IKBKE: variants seen among roughly 807,000 people sequenced by gnomAD.
IKBKE encodes the protein inhibitor of nuclear factor kappa B kinase subunit epsilon.
A neutral mutation model predicts 92.1 loss-of-function variants in IKBKE; 45 were observed. The ratio of observed to expected loss-of-function variants is 0.49; its 90% CI spans 0.38 to 0.63. The LOEUF (loss-of-function observed/expected upper bound fraction) is 0.63, where lower values mean the gene tolerates loss of function less well. IKBKE is among the 20% of genes least tolerant of loss of function. The probability of loss-of-function intolerance (pLI) is 0.00; values close to 1 mark genes in which losing one functional copy is unlikely to be tolerated. For missense variants in IKBKE, 700 were observed against 932.8 expected (o/e 0.75, Z 3.25); for synonymous variants, 374 against 380.3 (o/e 0.98, Z 0.19).
At chr1:206,494,489 A>G (rs1666116657) in intron 21 of IKBKE, among the ~76,000 whole-genome samples, 2 of 144,182 alleles carry the variant, frequency 1.4e-5, no homozygotes, top group African/African-American at 2.6e-5. Context: ...TCCTGATTTG[A>G]CTCCCCTCCT....
chr1:206,477,642 G>A (rs1214407375), intron 7 of IKBKE, 107 bp from the exon 8 acceptor site: 6 of 661,756 alleles, frequency 9.1e-6, no homozygotes, highest in Non-Finnish European at 1.6e-5. Flanking sequence ...CTACTTTGGG[G>A]TAGCTGGGTG....
chr1:206,491,838 G>A lies in IKBKE; in HGVS notation c.1835+89G>A, dbSNP rs1553390510. 3.3e-6 allele frequency: 3 copies of A among 908,890 alleles called. No individual in the cohort carries two copies. The African/African-American group carries it at 5.0e-5, about 15-fold the overall frequency. The allele number at this position is 908,890 out of a possible 1,614,324, so 56.3% of individuals were successfully genotyped here. ...ACCCAGGGCTTTGTGGAGCCCTGAGGCAGAGGGAGGAGTGAGTGAAGGGGT... is the reference window on the plus strand; with the variant it reads ...ACCCAGGGCTTTGTGGAGCCCTGAGACAGAGGGAGGAGTGAGTGAAGGGGT... On this transcript the variant is annotated intron_variant, in intron 18 of 21. Transcript: ENST00000581977.
chr1:206,486,708 G>T (rs1387692574), intron 15 of IKBKE, among the ~76,000 whole-genome samples: 1 of 151,540 alleles, frequency 6.6e-6, no homozygotes, highest in Non-Finnish European at 1.5e-5. Context: ...CTGTCCTTTT[G>T]GATGAAGGCT....
chr1:206,496,078 G>C, intron 21 of IKBKE, 34 bp from the exon 22 acceptor site: 1 of 1,600,404 alleles, frequency 6.2e-7, no homozygotes. Flanking sequence ...CTCTCCAACA[G>C]GTGGGCACTG....
At position 206,496,579 on chromosome 1, in the gene IKBKE, G is replaced by A. The variant is rs1270376343; in HGVS notation, c.*434G>A. 4.0e-6 allele frequency: 1 copy of A among 248,698 alleles called. No individual in the cohort carries two copies. The highest frequency in any genetic ancestry group is 1.4e-4 in the South Asian group (1 of 7,034). The allele number at this position is 248,698 out of a possible 1,614,324, so 15.4% of individuals were successfully genotyped here. A position where few individuals can be genotyped will look rare whatever the true frequency, so the allele number is the denominator to read the frequency against. On this transcript the variant is annotated 3_prime_UTR_variant, in exon 22 of 22. Coordinates refer to ENST00000581977, the MANE Select transcript of IKBKE (RefSeq NM_014002.4). The stretch of plus-strand genomic sequence containing the variant: ...CAGTAGGTCAAACGACCTCATCACA[G>A]TCTTCCTTCCTCTTCAAGCGTTTCA...
At chr1:206,481,108 G>C (rs1038451110) in intron 13 of IKBKE, among the ~76,000 whole-genome samples, 1 of 152,206 alleles carries the variant, frequency 6.6e-6, no homozygotes, top group Non-Finnish European at 1.5e-5. Context: ...CGGGCAGGAG[G>C]AAGCCAAGTG....
Position 206,487,044 on chromosome 1 carries a change from C to T in IKBKE, c.1617-870C>T, listed in dbSNP as rs1665705990. On this transcript the variant is annotated intron_variant, in intron 15 of 21. Coordinates refer to ENST00000581977, the MANE Select transcript of IKBKE (RefSeq NM_014002.4). The surrounding 1 kb of genome is among the most constrained non-coding windows in gnomAD (Gnocchi z 5.3). ...GAAGGCTGTGGATCTGAGGCCTGTC[C>T]CAGCCACTTCATCTTCCACCCTCAT... is the stretch of plus-strand genomic sequence containing the variant. Among the ~76,000 whole-genome samples the T allele has an allele frequency of 6.6e-6, 1 of 152,242 alleles. No homozygotes were observed. Among genetic ancestry groups the T allele is most frequent in the African/African-American group, 2.4e-5 (1 of 41,462 alleles).
At position 206,478,810 on chromosome 1, in the gene IKBKE, C is replaced by T. The variant is rs1665208913; in HGVS notation, c.993-133C>T. On this transcript the variant is annotated intron_variant, in intron 9 of 21. Transcript: ENST00000581977. The surrounding 1 kb of genome is among the most constrained non-coding windows in gnomAD (Gnocchi z 4.8). Reference sequence around the variant, plus strand: ...CTCCACCCTTGATGACAGAGAAAACCACCCCCGTCCCTCCCTCTGCAAAAC... The same window carrying T: ...CTCCACCCTTGATGACAGAGAAAACTACCCCCGTCCCTCCCTCTGCAAAAC... The T allele has an allele frequency of 1.4e-6, 1 of 730,828 alleles. No individual in the cohort carries two copies. The highest frequency in any genetic ancestry group is 2.4e-6 in the Non-Finnish European group (1 of 412,750). The allele number at this position is 730,828 out of a possible 1,614,324, so 45.3% of individuals were successfully genotyped here.
At position 206,478,380 on chromosome 1, in the gene IKBKE, T is replaced by G; in HGVS notation, c.992+41T>G. ...GGAGGGAAGCGGTGAGAACCTTCTC[T>G]ACCCAAGCAGCAGTGCATGTCCAAA... On this transcript the variant is annotated intron_variant, in intron 9 of 21. Coordinates refer to ENST00000581977, the MANE Select transcript of IKBKE (RefSeq NM_014002.4). The surrounding 1 kb of genome is among the most constrained non-coding windows in gnomAD (Gnocchi z 4.8). The G allele has an allele frequency of 6.3e-7, 1 of 1,590,374 alleles. No individual in the cohort carries two copies. Among genetic ancestry groups the G allele is most frequent in the Non-Finnish European group, 8.6e-7 (1 of 1,166,862 alleles).
chr1:206,489,357 G>GTA (rs1553389600), intron 16 of IKBKE, among the ~76,000 whole-genome samples: 3 of 26,382 alleles, frequency 1.1e-4, no homozygotes, highest in African/African-American at 3.0e-4. Context: ...GTGTGTGTGT[G>GTA]TGTGTGTGTG....
intron 16 of IKBKE, among the ~76,000 whole-genome samples, chr1:206,489,136 C>T (rs1258379152): frequency 6.6e-6 from 1 of 151,450 alleles, no homozygotes; most frequent in African/African-American, 2.4e-5. Context: ...ACCTCCTGGG[C>T]TCAAGCCATC....
At chr1:206,474,284 A>C (rs541555506) in intron 3 of IKBKE, 47 bp from the exon 4 acceptor site, 5 of 1,567,028 alleles carry the variant, frequency 3.2e-6, no homozygotes, top group African/African-American at 1.4e-5. Context: ...GGAGTGGGAC[A>C]TGTGCTAATC....
In IKBKE at chr1:206,493,973, A is replaced by G. The variant is rs200362703; in HGVS notation, c.2099A>G (p.Asn700Ser). 332 of 1,613,944 alleles carry G rather than the reference A, an allele frequency of 2.1e-4. No homozygotes were observed. The highest frequency in any genetic ancestry group is 2.8e-4 in the Non-Finnish European group (327 of 1,179,916). Residue 700 changes from asparagine to serine, a missense_variant, in exon 21 of 22, where the codon AAC becomes AGC. Transcript: ENST00000581977. ...CTGCTGGCATCTGACCTCCTGGACA[A>G]CAACCGCATCATCGAACGGTAAGGA... ...MKLLASDLLD[N>S]NRIIERLNRV... is the part of the protein sequence containing the mutation.
chr1:206,490,707 G>A lies in IKBKE; in HGVS notation c.1694-112G>A. On this transcript the variant is annotated intron_variant, in intron 16 of 21. Coordinates refer to ENST00000581977, the MANE Select transcript of IKBKE (RefSeq NM_014002.4). The surrounding 1 kb of genome is among the most constrained non-coding windows in gnomAD (Gnocchi z 5.2). ...GCTCCGCTGGGCGGTGAGTTCCCGT[G>A]AAGCAGCACAGGCTGGGCCGTCTTC... is the stretch of plus-strand genomic sequence containing the variant. 9.0e-7 allele frequency: 1 copy of A among 1,105,892 alleles called. No homozygotes were observed. Among genetic ancestry groups the A allele is most frequent in the Non-Finnish European group, 1.4e-6 (1 of 725,374 alleles). 68.5% of individuals were successfully genotyped at this position (1,105,892 alleles called of 1,614,324 possible).
intron 13 of IKBKE, among the ~76,000 whole-genome samples, chr1:206,484,089 T>C (rs1014243952): frequency 3.3e-5 from 5 of 149,740 alleles, no homozygotes; most frequent in African/African-American, 1.2e-4. Context: ...CATGCCTGGC[T>C]TTTATTTTGT....
chr1:206,496,462 A>G lies in IKBKE; in HGVS notation c.*317A>G, dbSNP rs1215495104. The G allele has an allele frequency of 2.5e-6, 1 of 404,804 alleles. No individual in the cohort carries two copies. The allele number at this position is 404,804 out of a possible 1,614,324, so 25.1% of individuals were successfully genotyped here. Reference sequence around the variant, plus strand: ...TGCCCATGGCTGGGCCGTGGGGAGAAGAAGCTCTCATACGCCTTCCCACTC... The same window carrying G: ...TGCCCATGGCTGGGCCGTGGGGAGAGGAAGCTCTCATACGCCTTCCCACTC... On this transcript the variant is annotated 3_prime_UTR_variant, in exon 22 of 22. Coordinates refer to ENST00000581977, the MANE Select transcript of IKBKE (RefSeq NM_014002.4).
Position 206,496,406 on chromosome 1 carries a change from A to G in IKBKE, c.*261A>G, listed in dbSNP as rs1666240324. 3.8e-6 allele frequency: 2 copies of G among 523,030 alleles called. No homozygotes were observed. Among genetic ancestry groups the G allele is most frequent in the African/African-American group, 3.8e-5 (2 of 52,328 alleles). 32.4% of individuals were successfully genotyped at this position (523,030 alleles called of 1,614,324 possible). A position where few individuals can be genotyped will look rare whatever the true frequency, so the allele number is the denominator to read the frequency against. On this transcript the variant is annotated 3_prime_UTR_variant, in exon 22 of 22. Transcript: ENST00000581977. ...CAGCAACTGCCTGGCTGACCTTTCT[A>G]TCTTCTCTAGGCTCAGGTACTGCTC...
Position 206,496,374 on chromosome 1 carries a change from A to G in IKBKE, c.*229A>G. On this transcript the variant is annotated 3_prime_UTR_variant, in exon 22 of 22. Coordinates refer to ENST00000581977, the MANE Select transcript of IKBKE (RefSeq NM_014002.4). The stretch of plus-strand genomic sequence containing the variant: ...ACCTCTGTTGGGACCCACAGGAAAG[A>G]GTGTGGCAGCAACTGCCTGGCTGAC... The G allele has an allele frequency of 3.6e-6, 2 of 551,290 alleles. No individual in the cohort carries two copies. The highest frequency in any genetic ancestry group is 6.5e-6 in the Non-Finnish European group (2 of 307,780). The allele number at this position is 551,290 out of a possible 1,614,324, so 34.1% of individuals were successfully genotyped here.
At position 206,476,472 on chromosome 1, in the gene IKBKE, G is replaced by T. The variant is rs1305604462; in HGVS notation, c.540+110G>T. On this transcript the variant is annotated intron_variant, in intron 6 of 21. Coordinates refer to ENST00000581977, the MANE Select transcript of IKBKE (RefSeq NM_014002.4). This position sits in a 1 kb window ranked among gnomAD's most constrained non-coding sequence, Gnocchi z 5.1. ...TGGCCCACCTCCTGCTTCCACAGGA[G>T]TTATGTCTCTCCCCTGTACCCCAAC... is the stretch of plus-strand genomic sequence containing the variant. 3 of 1,237,748 alleles carry T rather than the reference G, an allele frequency of 2.4e-6. No homozygotes were observed. The highest frequency in any genetic ancestry group is 3.0e-5 in the African/African-American group (2 of 66,858). 76.7% of individuals were successfully genotyped at this position (1,237,748 alleles called of 1,614,324 possible).
Sources: allele counts gnomAD v4.1 joint callset (sites outside exome capture counted in the v4.1 genomes callset), GRCh38; gene constraint gnomAD v4.1.1; non-coding constraint Gnocchi (gnomAD v3.1); transcripts MANE v1.5; gene names NCBI Gene and HGNC (gene_info 2026-07-23, HGNC 2026-07-21).